Variants in NPAS2 observed in about 807,000 individuals in gnomAD.
NPAS2 encodes the protein neuronal PAS domain-containing protein 2.
In NPAS2, 23 loss-of-function variants were observed where a neutral mutation model predicts 107.5. The ratio of observed to expected loss-of-function variants is 0.21; its 90% CI spans 0.15 to 0.30. The LOEUF is 0.30. NPAS2 is among the 10% of genes least tolerant of loss of function. The pLI is 1.00. For missense variants in NPAS2, 756 were observed against 1,043.3 expected (o/e 0.72, Z 3.79); for synonymous variants, 403 against 417.5 (o/e 0.97, Z 0.42).
Position 100,820,655 on chromosome 2 carries a change from T to C in NPAS2, c.-23+241T>C, listed in dbSNP as rs557693010. On this transcript the variant is annotated intron_variant, in intron 1 of 20. Coordinates refer to ENST00000335681, the MANE Select transcript of NPAS2 (RefSeq NM_002518.4). This position sits in a 1 kb window ranked among gnomAD's most constrained non-coding sequence, Gnocchi z 5.6. ...CAGGAGGTAGCAATCGCTGGGCCGGTGGGCTCCGGGCGCGTCTCGACGCAG... is the reference window on the plus strand; with the variant it reads ...CAGGAGGTAGCAATCGCTGGGCCGGCGGGCTCCGGGCGCGTCTCGACGCAG... Among the ~76,000 whole-genome samples, 1 of 151,954 alleles carries C rather than the reference T, an allele frequency of 6.6e-6. No homozygotes were observed. Among genetic ancestry groups the C allele is most frequent in the East Asian group, 1.9e-4 (1 of 5,138 alleles).
intron 1 of NPAS2, 38 bp from the exon 2 acceptor site, chr2:100,904,695 T>C (rs1187442284): frequency 2.2e-6 from 3 of 1,351,364 alleles, no homozygotes; most frequent in Non-Finnish European, 3.1e-6. Flanking sequence ...CAGACAGTAA[T>C]TATCCATTCT....
chr2:100,940,411 G>GTCC (rs1486267126), intron 5 of NPAS2, among the ~76,000 whole-genome samples: 2 of 152,202 alleles, frequency 1.3e-5, no homozygotes, highest in East Asian at 3.8e-4. Flanking sequence ...GTGAGCCCAG[G>GTCC]TCCTTTCCAC....
chr2:100,989,985 G>A, intron 17 of NPAS2: 1 of 443,238 alleles, frequency 2.3e-6, no homozygotes. Context: ...AGGGCCATGT[G>A]TCTGCAGTAG....
chr2:100,857,750 G>A (rs182815875), intron 1 of NPAS2, among the ~76,000 whole-genome samples: 18 of 152,372 alleles, frequency 1.2e-4, no homozygotes, highest in Admixed American at 1.0e-3. Flanking sequence ...CTACAGGGCA[G>A]GCCACAGTTT....
At chr2:100,990,929 G>A (rs1177652660) in intron 19 of NPAS2, 57 bp downstream of exon 19, 2 of 1,480,582 alleles carry the variant, frequency 1.4e-6, no homozygotes, top group Non-Finnish European at 1.9e-6. Flanking sequence ...GTTCCAGGCT[G>A]GCCAGACTCA....
chr2:100,833,315 C>G (rs539748323), intron 1 of NPAS2, among the ~76,000 whole-genome samples: 1 of 152,272 alleles, frequency 6.6e-6, no homozygotes, highest in South Asian at 2.1e-4. Context: ...GGATGAGAAT[C>G]AAGAGGAGAG....
intron 7 of NPAS2, among the ~76,000 whole-genome samples, chr2:100,959,110 C>CAA (rs755776689): frequency 0.14 from 9,432 of 68,188 alleles, 378 homozygotes; most frequent in South Asian, 0.3. Context: ...AAAAAAAAAA[C>CAA]AAAACTAAAA....
At chr2:100,871,338 T>G (rs1209022005) in intron 1 of NPAS2, among the ~76,000 whole-genome samples, 5 of 151,288 alleles carry the variant, frequency 3.3e-5, no homozygotes, top group Admixed American at 1.3e-4. Context: ...TGTTTTTTTT[T>G]TTTTTTTTTT....
intron 4 of NPAS2, 116 bp downstream of exon 4, chr2:100,933,117 C>A: frequency 2.7e-6 from 2 of 738,688 alleles, no homozygotes; most frequent in Non-Finnish European, 4.6e-6. Flanking sequence ...GAAGACTTGA[C>A]TTTGAAACAG....
chr2:100,888,408 T>C (rs912676543), intron 1 of NPAS2, among the ~76,000 whole-genome samples: 1 of 151,460 alleles, frequency 6.6e-6, no homozygotes, highest in African/African-American at 2.4e-5. Context: ...GCTAGTAGGG[T>C]AGAAAGTGTT....
At chr2:100,922,444 G>A (rs1302698831) in intron 2 of NPAS2, among the ~76,000 whole-genome samples, 1 of 152,002 alleles carries the variant, frequency 6.6e-6, no homozygotes, top group Non-Finnish European at 1.5e-5. Context: ...TTAGCCGGGT[G>A]TGGTGGTGCA....
intron 15 of NPAS2, among the ~76,000 whole-genome samples, chr2:100,980,988 C>T (rs1024861303): frequency 4.8e-5 from 3 of 63,002 alleles, no homozygotes; most frequent in East Asian, 6.6e-4. Flanking sequence ...ATGGGCTCGT[C>T]GTGAAGCACA....
At chr2:100,840,661 G>A (rs1677343851) in intron 1 of NPAS2, among the ~76,000 whole-genome samples, 1 of 151,692 alleles carries the variant, frequency 6.6e-6, no homozygotes, top group Non-Finnish European at 1.5e-5. Context: ...CTTTGTTTGG[G>A]GTTTAGAATC....
intron 3 of NPAS2, among the ~76,000 whole-genome samples, chr2:100,927,023 C>T (rs2104907309): frequency 6.7e-6 from 1 of 149,506 alleles, no homozygotes; most frequent in Non-Finnish European, 1.5e-5. Context: ...ACTGCAAGCT[C>T]CGCCTCCAGG....
intron 7 of NPAS2, among the ~76,000 whole-genome samples, chr2:100,958,455 C>T (rs1352727318): frequency 6.6e-6 from 1 of 152,208 alleles, no homozygotes; most frequent in Non-Finnish European, 1.5e-5. Context: ...GTCTCATCTA[C>T]TCCGGACTCT....
intron 15 of NPAS2, among the ~76,000 whole-genome samples, chr2:100,979,394 G>C (rs1677258427): frequency 6.7e-6 from 1 of 149,632 alleles, no homozygotes; most frequent in South Asian, 2.1e-4. Flanking sequence ...TACAAGACAC[G>C]ATGGTGTGAT....
At chr2:100,833,995 A>G (rs1189030147) in intron 1 of NPAS2, among the ~76,000 whole-genome samples, 1 of 152,166 alleles carries the variant, frequency 6.6e-6, no homozygotes, top group Admixed American at 6.5e-5. Flanking sequence ...GTGGAAGGAA[A>G]GGACCCTAGT....
At chr2:100,829,558 G>A (rs987694635) in intron 1 of NPAS2, among the ~76,000 whole-genome samples, 1 of 152,144 alleles carries the variant, frequency 6.6e-6, no homozygotes, top group Non-Finnish European at 1.5e-5. Context: ...CCTTTTGGTG[G>A]AGTTTTTCGG....
chr2:100,880,152 C>A (rs1680240620), intron 1 of NPAS2, among the ~76,000 whole-genome samples: 1 of 152,162 alleles, frequency 6.6e-6, no homozygotes, highest in Non-Finnish European at 1.5e-5. Flanking sequence ...GAGATTGGAA[C>A]ACTCATACAT....
Sources: allele counts gnomAD v4.1 joint callset (sites outside exome capture counted in the v4.1 genomes callset), GRCh38; gene constraint gnomAD v4.1.1; non-coding constraint Gnocchi (gnomAD v3.1); transcripts MANE v1.5; gene names NCBI Gene and HGNC (gene_info 2026-07-23, HGNC 2026-07-21).